Variants in CLSTN2 observed in about 807,000 individuals in gnomAD.
CLSTN2 encodes the protein calsyntenin-2.
Under a neutral mutation model 101.2 loss-of-function variants are expected in CLSTN2, and 48 were observed. The ratio of observed to expected loss-of-function variants is 0.47; its 90% confidence interval spans 0.38 to 0.60. The LOEUF (loss-of-function observed/expected upper bound fraction) is 0.60, where lower values mean the gene tolerates loss of function less well. Ranked by LOEUF, CLSTN2 falls within the 20% of genes least tolerant of loss-of-function variation. The pLI, the probability that CLSTN2 is intolerant of heterozygous loss-of-function variation, is 0.00. For missense variants in CLSTN2, 1,160 were observed against 1,238.2 expected (o/e 0.94, Z 0.95); for synonymous variants, 481 against 463.6 (o/e 1.04, Z -0.48).
chr3:140,556,462 C>T, intron 10 of CLSTN2, 51 bp from the exon 11 acceptor site: 1 of 1,597,956 alleles, frequency 6.3e-7, no homozygotes, highest in Non-Finnish European at 8.6e-7. Context: ...CCCATAAAAC[C>T]ATGTACATCA....
intron 1 of CLSTN2, among the ~76,000 whole-genome samples, chr3:140,115,232 C>G (rs1316270800): frequency 1.3e-5 from 2 of 152,218 alleles, no homozygotes; most frequent in African/African-American, 2.4e-5. Flanking sequence ...CCTATCTATT[C>G]TCTTCTCATG....
intron 2 of CLSTN2, among the ~76,000 whole-genome samples, chr3:140,385,357 C>CT (rs546696189): frequency 0.08 from 5,851 of 72,806 alleles, 969 homozygotes; most frequent in Non-Finnish European, 0.11. Context: ...CCCTGATGTT[C>CT]TTTTTTTTTT....
chr3:140,052,732 G>C (rs1268674230), intron 1 of CLSTN2, among the ~76,000 whole-genome samples: 1 of 152,154 alleles, frequency 6.6e-6, no homozygotes, highest in Non-Finnish European at 1.5e-5. Flanking sequence ...AACCAACTCT[G>C]CCCAGCTGAT....
chr3:140,298,359 C>T (rs2087022704), intron 2 of CLSTN2, among the ~76,000 whole-genome samples: 1 of 152,160 alleles, frequency 6.6e-6, no homozygotes, highest in Non-Finnish European at 1.5e-5. Context: ...TTAAAACACA[C>T]CTAGAATATA....
At chr3:140,131,115 G>A (rs2350280) in intron 1 of CLSTN2, among the ~76,000 whole-genome samples, 1 of 151,328 alleles carries the variant, frequency 6.6e-6, no homozygotes, top group Non-Finnish European at 1.5e-5. Context: ...TAACCACTTT[G>A]TCCCTCAAAA....
intron 8 of CLSTN2, among the ~76,000 whole-genome samples, chr3:140,529,373 G>A (rs937407405): frequency 6.6e-6 from 1 of 152,238 alleles, no homozygotes; most frequent in African/African-American, 2.4e-5. Flanking sequence ...GGGGGATGGT[G>A]TCAGACATTC....
chr3:140,362,535 A>G (rs764437541), intron 2 of CLSTN2, among the ~76,000 whole-genome samples: 20 of 152,196 alleles, frequency 1.3e-4, no homozygotes, highest in Non-Finnish European at 2.4e-4. Flanking sequence ...TAAACAACAG[A>G]CTTGGAGAAA....
chr3:140,390,012 G>A (rs1366373008), intron 2 of CLSTN2, among the ~76,000 whole-genome samples: 1 of 151,254 alleles, frequency 6.6e-6, no homozygotes, highest in African/African-American at 2.4e-5. Flanking sequence ...TATGATTAAT[G>A]TTATTTTGTT....
intron 1 of CLSTN2, among the ~76,000 whole-genome samples, chr3:139,965,522 G>A (rs1935580598): frequency 6.6e-6 from 1 of 152,152 alleles, no homozygotes; most frequent in African/African-American, 2.4e-5. Flanking sequence ...GAGGGAAAAG[G>A]CAGAGAAGGG....
chr3:140,367,342 G>T (rs963413601), intron 2 of CLSTN2, among the ~76,000 whole-genome samples: 1 of 151,926 alleles, frequency 6.6e-6, no homozygotes, highest in East Asian at 1.9e-4. Flanking sequence ...GTGTAACCTC[G>T]TCTCTACTAA....
chr3:140,222,144 G>A (rs772643465), intron 2 of CLSTN2, among the ~76,000 whole-genome samples: 3 of 151,718 alleles, frequency 2.0e-5, no homozygotes, highest in Non-Finnish European at 1.5e-5. Context: ...GCCATAAAAC[G>A]AATGAGATCC....
chr3:140,432,576 C>G (rs528398203), intron 5 of CLSTN2, among the ~76,000 whole-genome samples: 1 of 152,148 alleles, frequency 6.6e-6, no homozygotes, highest in African/African-American at 2.4e-5. Context: ...CCGTGAATAA[C>G]GACCTGTTTT....
At chr3:140,260,331 TATG>T (rs2086641344) in intron 2 of CLSTN2, among the ~76,000 whole-genome samples, 1 of 151,932 alleles carries the variant, frequency 6.6e-6, no homozygotes, top group Admixed American at 6.6e-5. Flanking sequence ...CACCATTAAG[TATG>T]ATATTAGAAG....
chr3:140,464,461 A>G (rs1253851999), intron 7 of CLSTN2, among the ~76,000 whole-genome samples: 1 of 152,268 alleles, frequency 6.6e-6, no homozygotes, highest in East Asian at 1.9e-4. Flanking sequence ...ATTCCTAAGG[A>G]CAGGAAAAGG....
At chr3:139,955,778 GCT>G (rs1935383638) in intron 1 of CLSTN2, among the ~76,000 whole-genome samples, 1 of 152,312 alleles carries the variant, frequency 6.6e-6, no homozygotes, top group Admixed American at 6.5e-5. Context: ...TGGTCTCTAT[GCT>G]CTGAGAGAGA....
intron 8 of CLSTN2, among the ~76,000 whole-genome samples, chr3:140,531,777 C>T (rs751800471): frequency 2.6e-5 from 4 of 152,138 alleles, no homozygotes; most frequent in Non-Finnish European, 5.9e-5. Flanking sequence ...TCTTCTAGCC[C>T]CCCTGCATCT....
chr3:140,126,733 C>T (rs2009439745), intron 1 of CLSTN2, among the ~76,000 whole-genome samples: 1 of 152,108 alleles, frequency 6.6e-6, no homozygotes, highest in African/African-American at 2.4e-5. Flanking sequence ...TCTTTTTCAG[C>T]TTTATTCTTT....
intron 1 of CLSTN2, among the ~76,000 whole-genome samples, chr3:139,952,244 G>C (rs1000575767): frequency 3.1e-4 from 47 of 152,196 alleles, no homozygotes; most frequent in Non-Finnish European, 5.9e-4. Flanking sequence ...TTGACATTCT[G>C]ATTCTAAAAT....
At chr3:140,411,395 T>G (rs1406884850) in intron 4 of CLSTN2, among the ~76,000 whole-genome samples, 1 of 152,252 alleles carries the variant, frequency 6.6e-6, no homozygotes, top group Admixed American at 6.5e-5. Flanking sequence ...TAAGTGCATA[T>G]GTACCCAACG....
Sources: gnomAD v4.1 joint callset for allele counts (sites outside exome capture counted in the v4.1 genomes callset) on GRCh38, gnomAD v4.1.1 for gene constraint, MANE v1.5 for transcripts, NCBI Gene and HGNC (gene_info 2026-07-23, HGNC 2026-07-21) for gene names.